The following CIT variants were observed in gnomAD, a reference collection of about 807,000 sequenced individuals.
CIT encodes the protein citron Rho-interacting kinase.
CIT carries 79 observed loss-of-function variants against 272.7 expected under a neutral mutation model. The observed-to-expected ratio is 0.29, with a 90% confidence interval of 0.24 to 0.35. CIT has a LOEUF of 0.35. Ranked by LOEUF, CIT falls within the 10% of genes least tolerant of loss-of-function variation. The pLI is 1.00. For missense variants in CIT, 1,909 were observed against 2,618.3 expected (o/e 0.73, Z 5.91); for synonymous variants, 948 against 995.6 (o/e 0.95, Z 0.90).
At chr12:119,814,599 G>A (rs1487835193) in intron 9 of CIT, among the ~76,000 whole-genome samples, 1 of 152,056 alleles carries the variant, frequency 6.6e-6, no homozygotes, top group East Asian at 1.9e-4. Flanking sequence ...AAGTTTAAGG[G>A]CCAACCAAGC....
chr12:119,824,038 C>CAAAAAAAAA (rs33990395), intron 8 of CIT, among the ~76,000 whole-genome samples: 1 of 50,710 alleles, frequency 2.0e-5, no homozygotes, highest in Non-Finnish European at 3.3e-5. Flanking sequence ...GACTCCATCT[C>CAAAAAAAAA]AAAAAAAAAA....
At position 119,777,345 on chromosome 12, in the gene CIT, G is replaced by A. The variant is rs547558946; in HGVS notation, c.1666-503C>T. Among the ~76,000 whole-genome samples the A allele has an allele frequency of 3.2e-4, 49 of 151,808 alleles. No individual in the cohort carries two copies. In the South Asian group the frequency reaches 9.8e-3, roughly 30 times the overall value. The stretch of plus-strand genomic sequence containing the variant: ...AAGTAGGCAAAGGTGAGAAGTGTAG[G>A]GTGAAGATGAGGGAGAAAAAAATAT... On this transcript the variant is annotated intron_variant, in intron 13 of 47. Coordinates refer to ENST00000392521, the MANE Select transcript of CIT (RefSeq NM_001206999.2).
chr12:119,692,661 C>T (rs981685864), intron 46 of CIT, among the ~76,000 whole-genome samples: 3 of 152,226 alleles, frequency 2.0e-5, no homozygotes, highest in Admixed American at 1.3e-4. Flanking sequence ...ATATGGCTCA[C>T]AAAGCCGAAA....
At chr12:119,841,698 A>C (rs557771022) in intron 5 of CIT, among the ~76,000 whole-genome samples, 1 of 152,188 alleles carries the variant, frequency 6.6e-6, no homozygotes, top group Non-Finnish European at 1.5e-5. Flanking sequence ...TCTATAGAAA[A>C]AGAATTTGCT....
At chr12:119,696,929 C>T (rs1956254801) in intron 46 of CIT, among the ~76,000 whole-genome samples, 1 of 152,168 alleles carries the variant, frequency 6.6e-6, no homozygotes, top group African/African-American at 2.4e-5. Flanking sequence ...ATTCTTTTCC[C>T]CAGATGCCTG....
intron 19 of CIT, among the ~76,000 whole-genome samples, chr12:119,763,467 G>A (rs1222306659): frequency 3.9e-5 from 6 of 152,144 alleles, no homozygotes; most frequent in African/African-American, 1.2e-4. Context: ...GGACTCAAGC[G>A]ATCTGCCCAC....
rs577719564 is a variant in CIT, at chr12:119,768,149, T to C, written c.2209-967A>G. Among the ~76,000 whole-genome samples, 2 of 152,268 alleles carry C rather than the reference T, an allele frequency of 1.3e-5. No individual in the cohort carries two copies. Among genetic ancestry groups the C allele is most frequent in the African/African-American group, 4.8e-5 (2 of 41,550 alleles). ...CTGGTTTCAAACTCCTGACCTCAGG[T>C]GATCCACCCGCCTCAGCCTCCCAAA... On this transcript the variant is annotated intron_variant, in intron 18 of 47. Coordinates refer to ENST00000392521, the MANE Select transcript of CIT (RefSeq NM_001206999.2). This position sits in a 1 kb window ranked among gnomAD's most constrained non-coding sequence, Gnocchi z 4.3.
intron 23 of CIT, among the ~76,000 whole-genome samples, chr12:119,746,862 T>C (rs1482756789): frequency 6.6e-6 from 1 of 152,138 alleles, no homozygotes; most frequent in East Asian, 1.9e-4. Flanking sequence ...CTAGTCACAG[T>C]AAGAAAATGG....
In CIT at chr12:119,718,201, T is replaced by C. The variant is rs1304735723; in HGVS notation, c.4168+44A>G. On this transcript the variant is annotated intron_variant, in intron 32 of 47. Transcript: ENST00000392521. This position sits in a 1 kb window ranked among gnomAD's most constrained non-coding sequence, Gnocchi z 4.8. ...TTGTAATTTTTACCATATGCCCACA[T>C]GTCTTAGTCGACTAAAAGAAATTTC... The C allele has an allele frequency of 2.5e-6, 4 of 1,571,638 alleles. No individual in the cohort carries two copies. Among genetic ancestry groups the C allele is most frequent in the Middle Eastern group, 3.4e-4 (2 of 5,878 alleles).
chr12:119,736,951 T>C (rs1166695790), intron 24 of CIT, among the ~76,000 whole-genome samples: 2 of 152,190 alleles, frequency 1.3e-5, no homozygotes, highest in East Asian at 3.9e-4. Flanking sequence ...GAACCCCCAA[T>C]AAGCCATCTG....
At chr12:119,863,829 C>A (rs558276514) in intron 3 of CIT, among the ~76,000 whole-genome samples, 1 of 147,186 alleles carries the variant, frequency 6.8e-6, no homozygotes, top group East Asian at 2.0e-4. Context: ...CACGCCGGAC[C>A]AAAAGTTTTA....
At chr12:119,726,460 G>A (rs1244740994) in intron 28 of CIT, among the ~76,000 whole-genome samples, 3 of 126,990 alleles carry the variant, frequency 2.4e-5, no homozygotes, top group Non-Finnish European at 3.1e-5. Context: ...TCAAACTCTT[G>A]GCCTCAAGCA....
intron 43 of CIT, 50 bp from the exon 44 acceptor site, chr12:119,700,875 C>G (rs771474501): frequency 7.0e-7 from 1 of 1,420,708 alleles, no homozygotes; most frequent in East Asian, 2.3e-5. Context: ...AGAGCAGGGG[C>G]ATCAGCGACA....
intron 26 of CIT, among the ~76,000 whole-genome samples, chr12:119,733,848 T>C (rs905601216): frequency 1.3e-5 from 2 of 152,070 alleles, no homozygotes; most frequent in East Asian, 3.9e-4. Flanking sequence ...CTTGCTATGG[T>C]CACTCTGACA....
intron 4 of CIT, among the ~76,000 whole-genome samples, chr12:119,852,636 G>A (rs982435856): frequency 6.6e-6 from 1 of 151,988 alleles, no homozygotes; most frequent in Non-Finnish European, 1.5e-5. Context: ...CGGGGGCAGA[G>A]GTTGCAGTGA....
intron 9 of CIT, among the ~76,000 whole-genome samples, chr12:119,814,724 A>G (rs767408380): frequency 1.1e-4 from 17 of 152,222 alleles, no homozygotes; most frequent in Non-Finnish European, 2.4e-4. Context: ...AAAAGGCCCC[A>G]AACAAATGAA....
In CIT at chr12:119,697,216, C is replaced by G. The variant is rs988692624; in HGVS notation, c.5882+443G>C. Among the ~76,000 whole-genome samples, 1 of 152,130 alleles carries G rather than the reference C, an allele frequency of 6.6e-6. No individual in the cohort carries two copies. Among genetic ancestry groups the G allele is most frequent in the African/African-American group, 2.4e-5 (1 of 41,430 alleles). The stretch of plus-strand genomic sequence containing the variant: ...TCCACGTCCAGGCTTTCAACCACCC[C>G]ACCAGGGCCTCATCCTTCCATGCCT... On this transcript the variant is annotated intron_variant, in intron 46 of 47. Coordinates refer to ENST00000392521, the MANE Select transcript of CIT (RefSeq NM_001206999.2). The surrounding 1 kb of genome is among the most constrained non-coding windows in gnomAD (Gnocchi z 4.9).
rs963136339 is a variant in CIT at position 119,804,715 on chromosome 12, G to A, written c.1112-1326C>T. ...GACAACAACATCCAAGTGGCGCTGGGAAGTAATTGGAGCAGGAAAGGGATG... is the reference window on the plus strand; with the variant it reads ...GACAACAACATCCAAGTGGCGCTGGAAAGTAATTGGAGCAGGAAAGGGATG... On this transcript the variant is annotated intron_variant, in intron 9 of 47. Transcript: ENST00000392521. The surrounding 1 kb of genome is among the most constrained non-coding windows in gnomAD (Gnocchi z 5.3). Among the ~76,000 whole-genome samples, 2 of 152,222 alleles carry A rather than the reference G, an allele frequency of 1.3e-5. No homozygotes were observed. The highest frequency in any genetic ancestry group is 4.8e-5 in the African/African-American group (2 of 41,450).
chr12:119,792,557 C>T (rs1316600688), intron 10 of CIT, among the ~76,000 whole-genome samples: 1 of 151,998 alleles, frequency 6.6e-6, no homozygotes, highest in Non-Finnish European at 1.5e-5. Context: ...GCAACCTCTA[C>T]CTCCCAGGTT....
Sources: allele counts gnomAD v4.1 joint callset (sites outside exome capture counted in the v4.1 genomes callset), GRCh38; gene constraint gnomAD v4.1.1; non-coding constraint Gnocchi (gnomAD v3.1); transcripts MANE v1.5; gene names NCBI Gene and HGNC (gene_info 2026-07-23, HGNC 2026-07-21).